CDH12: variants seen among roughly 807,000 people sequenced by gnomAD.
The protein encoded by CDH12 is cadherin-12.
A neutral mutation model predicts 74.1 loss-of-function variants in CDH12; 41 were observed. The ratio of observed to expected loss-of-function variants is 0.55; its 90% CI spans 0.43 to 0.72. The LOEUF (loss-of-function observed/expected upper bound fraction) is 0.72. Ranked by LOEUF, CDH12 falls within the 30% of genes least tolerant of loss-of-function variation. The probability of loss-of-function intolerance (pLI) is 0.00; values close to 1 mark genes in which losing one functional copy is unlikely to be tolerated. For missense variants in CDH12, 945 were observed against 977.2 expected (o/e 0.97, Z 0.44); for synonymous variants, 399 against 355.0 (o/e 1.12, Z -1.39).
chr5:22,649,543 G>A (rs1375816937), intron 1 of CDH12, among the ~76,000 whole-genome samples: 7 of 151,996 alleles, frequency 4.6e-5, no homozygotes, highest in African/African-American at 4.8e-5. Flanking sequence ...TGTCAATTTA[G>A]CATTTGGAAA....
chr5:22,577,272 C>A (rs545075610), intron 1 of CDH12, among the ~76,000 whole-genome samples: 1 of 152,070 alleles, frequency 6.6e-6, no homozygotes, highest in African/African-American at 2.4e-5. Flanking sequence ...GCCCCAGATG[C>A]GTTCACTAAG....
At chr5:22,000,174 C>T (rs569460306) in intron 5 of CDH12, among the ~76,000 whole-genome samples, 9 of 152,236 alleles carry the variant, frequency 5.9e-5, no homozygotes, top group East Asian at 1.9e-4. Context: ...GTTGCCCAGG[C>T]TTGTTTTGAA....
At chr5:22,400,101 C>T (rs1742651926) in intron 3 of CDH12, among the ~76,000 whole-genome samples, 1 of 152,150 alleles carries the variant, frequency 6.6e-6, no homozygotes, top group Admixed American at 6.6e-5. Context: ...GTAACATATA[C>T]TTCCCCCCTT....
chr5:22,793,936 C>G (rs979106633), intron 1 of CDH12, among the ~76,000 whole-genome samples: 1 of 152,080 alleles, frequency 6.6e-6, no homozygotes, highest in Non-Finnish European at 1.5e-5. Flanking sequence ...ATCTGCATGT[C>G]CTATAAGAAT....
chr5:22,298,489 C>A (rs1216892148), intron 3 of CDH12, among the ~76,000 whole-genome samples: 1 of 152,030 alleles, frequency 6.6e-6, no homozygotes, highest in Non-Finnish European at 1.5e-5. Context: ...CTACTTTCTA[C>A]TCTCTTTCAA....
chr5:22,637,490 A>G (rs1206205251), intron 1 of CDH12, among the ~76,000 whole-genome samples: 2 of 152,262 alleles, frequency 1.3e-5, no homozygotes, highest in African/African-American at 4.8e-5. Flanking sequence ...AACAAGCACC[A>G]GATGCTACAA....
intron 9 of CDH12, among the ~76,000 whole-genome samples, chr5:21,814,821 T>A (rs1747952832): frequency 6.6e-6 from 1 of 151,564 alleles, no homozygotes; most frequent in Non-Finnish European, 1.5e-5. Context: ...TTTGAATAGA[T>A]GATTGTAACC....
chr5:22,117,523 A>ATAATAT (rs1347655379), intron 4 of CDH12, among the ~76,000 whole-genome samples: 3 of 65,562 alleles, frequency 4.6e-5, no homozygotes, highest in African/African-American at 6.0e-5. Context: ...ATATATATAT[A>ATAATAT]ATATATATAT....
At chr5:22,627,037 G>C (rs1738334915) in intron 1 of CDH12, among the ~76,000 whole-genome samples, 1 of 152,116 alleles carries the variant, frequency 6.6e-6, no homozygotes, top group South Asian at 2.1e-4. Context: ...AATTAACTCA[G>C]TCAAACAAAA....
intron 10 of CDH12, among the ~76,000 whole-genome samples, chr5:21,800,051 T>C (rs1003969254): frequency 6.6e-5 from 10 of 152,184 alleles, no homozygotes; most frequent in African/African-American, 2.2e-4. Context: ...TGGACTTACA[T>C]TGGACCTCTC....
chr5:22,588,945 T>G (rs1345392651), intron 1 of CDH12, among the ~76,000 whole-genome samples: 1 of 152,212 alleles, frequency 6.6e-6, no homozygotes, highest in African/African-American at 2.4e-5. Context: ...CACGCCATTA[T>G]ACTATCTTTA....
chr5:22,306,011 T>G (rs1738089565), intron 3 of CDH12, among the ~76,000 whole-genome samples: 1 of 152,120 alleles, frequency 6.6e-6, no homozygotes, highest in Admixed American at 6.5e-5. Flanking sequence ...ACCAACCTCT[T>G]TAAACACCTG....
At chr5:21,776,570 C>T (rs995205154) in intron 11 of CDH12, among the ~76,000 whole-genome samples, 1 of 152,128 alleles carries the variant, frequency 6.6e-6, no homozygotes, top group Non-Finnish European at 1.5e-5. Context: ...TTCCGATTAC[C>T]AGTATTATGC....
Position 22,532,782 on chromosome 5 carries a change from T to TA in CDH12, c.-522-27419dup, listed in dbSNP as rs575108752. Among the ~76,000 whole-genome samples the TA allele has an allele frequency of 2.0e-4, 31 of 152,138 alleles. No homozygotes were observed. The South Asian group carries it at 6.0e-3, about 30-fold the overall frequency. On this transcript the variant is annotated intron_variant, in intron 1 of 14. Transcript: ENST00000382254. ...TAGTGAAATTTGTAATTAAAAGCCT[T>TA]AAAAAGATCTTGCAGCATGTTTATA...
chr5:22,774,308 A>G (rs1746974124), intron 1 of CDH12, among the ~76,000 whole-genome samples: 2 of 152,164 alleles, frequency 1.3e-5, no homozygotes, highest in South Asian at 2.1e-4. Context: ...AAAACATGAA[A>G]TCATGTCTTT....
intron 1 of CDH12, among the ~76,000 whole-genome samples, chr5:22,755,039 T>C (rs1745818424): frequency 6.6e-6 from 1 of 152,156 alleles, no homozygotes; most frequent in African/African-American, 2.4e-5. Flanking sequence ...TGTTTTCAAA[T>C]GAGATATTTC....
At chr5:22,609,330 A>G (rs545777806) in intron 1 of CDH12, among the ~76,000 whole-genome samples, 1 of 152,132 alleles carries the variant, frequency 6.6e-6, no homozygotes, top group Non-Finnish European at 1.5e-5. Context: ...CATCCTAGGG[A>G]ATCTCTACTA....
At chr5:22,685,363 A>G (rs1368682931) in intron 1 of CDH12, among the ~76,000 whole-genome samples, 1 of 152,030 alleles carries the variant, frequency 6.6e-6, no homozygotes, top group Non-Finnish European at 1.5e-5. Flanking sequence ...TCAGCCTCCC[A>G]AGTAGCTGGG....
intron 1 of CDH12, among the ~76,000 whole-genome samples, chr5:22,722,183 T>G (rs1412965340): frequency 6.6e-6 from 1 of 152,208 alleles, no homozygotes; most frequent in African/African-American, 2.4e-5. Context: ...TTGTTGAGTT[T>G]CTAGAAAACA....
Sources: gnomAD v4.1 joint callset for allele counts (sites outside exome capture counted in the v4.1 genomes callset) on GRCh38, gnomAD v4.1.1 for gene constraint, MANE v1.5 for transcripts, NCBI Gene and HGNC (gene_info 2026-07-23, HGNC 2026-07-21) for gene names.